GTF2A1: variants seen among roughly 807,000 people sequenced by gnomAD.
GTF2A1 encodes transcription initiation factor IIA subunit 1.
A neutral mutation model predicts 54.1 loss-of-function variants in GTF2A1; 12 were observed. The ratio of observed to expected loss-of-function variants is 0.22; its 90% confidence interval spans 0.14 to 0.36. The LOEUF is 0.36. GTF2A1 is among the 10% of genes least tolerant of loss of function. The pLI is 1.00. For synonymous variants in GTF2A1, 145 were observed against 152.0 expected (o/e 0.95, Z 0.34); for missense variants, 335 against 442.2 (o/e 0.76, Z 2.17).
chr14:81,210,876 T>C (rs1893349787), intron 2 of GTF2A1, among the ~76,000 whole-genome samples: 1 of 152,122 alleles, frequency 6.6e-6, no homozygotes, highest in Non-Finnish European at 1.5e-5. Context: ...GCCACTAACA[T>C]AGTATTGAAA....
chr14:81,197,053 T>C (rs1032067140), intron 5 of GTF2A1, among the ~76,000 whole-genome samples: 14 of 152,226 alleles, frequency 9.2e-5, no homozygotes, highest in Non-Finnish European at 1.6e-4. Flanking sequence ...TTGCTCTTAA[T>C]ATGCTCTAGG....
intron 7 of GTF2A1, among the ~76,000 whole-genome samples, chr14:81,189,144 C>T (rs1595210905): frequency 6.6e-6 from 1 of 152,180 alleles, no homozygotes; most frequent in Non-Finnish European, 1.5e-5. Flanking sequence ...GCTGGTACAG[C>T]TCTAACAGTA....
intron 1 of GTF2A1, among the ~76,000 whole-genome samples, chr14:81,219,577 T>A (rs921021146): frequency 3.9e-5 from 6 of 152,208 alleles, no homozygotes; most frequent in Admixed American, 3.9e-4. Context: ...AACGGTACGG[T>A]GTCGGGCGGC....
intron 7 of GTF2A1, among the ~76,000 whole-genome samples, chr14:81,188,733 C>T (rs751646356): frequency 2.5e-4 from 38 of 149,294 alleles, no homozygotes; most frequent in Non-Finnish European, 4.8e-4. Flanking sequence ...GCCGACATCG[C>T]GCCACTGCAC....
rs186620489 is a variant in GTF2A1 at position 81,182,973 on chromosome 14, T to C, written c.1023+2558A>G. On this transcript the variant is annotated intron_variant, in intron 8 of 8. Coordinates refer to ENST00000553612, the MANE Select transcript of GTF2A1 (RefSeq NM_015859.4). The stretch of plus-strand genomic sequence containing the variant: ...CCAAAGACCTACTATGACTATCCTA[T>C]TTAAAACTGAAACCAAACCTGTCCT... 9.8e-5 allele frequency among the ~76,000 whole-genome samples: 15 copies of C among 152,334 alleles called. No homozygotes were observed. In the East Asian group the frequency reaches 2.9e-3, roughly 29 times the overall value.
chr14:81,211,279 A>G (rs1237102784), intron 2 of GTF2A1, among the ~76,000 whole-genome samples: 1 of 152,110 alleles, frequency 6.6e-6, no homozygotes, highest in East Asian at 1.9e-4. Context: ...TACTAGTCCA[A>G]ATTCCTAGTC....
chr14:81,203,377 T>G (rs1483819748), intron 3 of GTF2A1, among the ~76,000 whole-genome samples: 2 of 152,226 alleles, frequency 1.3e-5, no homozygotes, highest in Non-Finnish European at 2.9e-5. Context: ...CCATTTAGGC[T>G]TACATAAATT....
At chr14:81,190,485 A>G (rs1395543366) in intron 7 of GTF2A1, among the ~76,000 whole-genome samples, 3 of 152,176 alleles carry the variant, frequency 2.0e-5, no homozygotes, top group Non-Finnish European at 2.9e-5. Flanking sequence ...CCAGGAGTAC[A>G]AGATTGGTTT....
chr14:81,191,161 A>T (rs992640933), intron 7 of GTF2A1, among the ~76,000 whole-genome samples: 4 of 152,200 alleles, frequency 2.6e-5, no homozygotes, highest in African/African-American at 9.6e-5. Flanking sequence ...TTTTCTACCT[A>T]CCAGACCAGC....
intron 1 of GTF2A1, among the ~76,000 whole-genome samples, chr14:81,219,807 T>C (rs1893575798): frequency 6.6e-6 from 1 of 152,238 alleles, no homozygotes; most frequent in Non-Finnish European, 1.5e-5. Flanking sequence ...CTTGGACCAC[T>C]GCAGGCTTTT....
At chr14:81,206,208 C>A (rs1212810494) in intron 2 of GTF2A1, among the ~76,000 whole-genome samples, 2 of 152,172 alleles carry the variant, frequency 1.3e-5, no homozygotes, top group African/African-American at 4.8e-5. Flanking sequence ...TGGCTAAGTA[C>A]TGGGCACCAT....
chr14:81,195,530 G>T (rs2140156525), intron 6 of GTF2A1, among the ~76,000 whole-genome samples: 1 of 151,086 alleles, frequency 6.6e-6, no homozygotes, highest in Admixed American at 6.6e-5. Flanking sequence ...TACTTGGGAG[G>T]CTGAGGCAGG....
At position 81,184,241 on chromosome 14, in the gene GTF2A1, G is replaced by A. The variant is rs138716864; in HGVS notation, c.1023+1290C>T. Among the ~76,000 whole-genome samples the A allele has an allele frequency of 2.1e-3, 314 of 152,212 alleles. 2 individuals carry two copies. Among genetic ancestry groups the A allele is most frequent in the Non-Finnish European group, 3.7e-3 (251 of 67,994 alleles). On this transcript the variant is annotated intron_variant, in intron 8 of 8. Transcript: ENST00000553612. Reference sequence around the variant, plus strand: ...CAGTCAGGCTAAAACAAAGGTCCTCGCTTGCCTGATAAATCTGACATCTCA... The same window carrying A: ...CAGTCAGGCTAAAACAAAGGTCCTCACTTGCCTGATAAATCTGACATCTCA...
intron 4 of GTF2A1, among the ~76,000 whole-genome samples, chr14:81,201,383 T>C (rs1893107476): frequency 6.6e-6 from 1 of 152,216 alleles, no homozygotes; most frequent in Non-Finnish European, 1.5e-5. Flanking sequence ...CACCATTCTT[T>C]TGGTATTCTT....
chr14:81,180,403 A>ATACACACACACACG lies in GTF2A1; in HGVS notation c.1024-87_1024-74dup, dbSNP rs1379567007. On this transcript the variant is annotated intron_variant, in intron 8 of 8. Coordinates refer to ENST00000553612, the MANE Select transcript of GTF2A1 (RefSeq NM_015859.4). ...AGAGAAAACAAGTAACAAAAAACCC[A>ATACACACACACACG]TACACACACACACGTACACACACAC... is the stretch of plus-strand genomic sequence containing the variant. 2.3e-5 allele frequency: 17 copies of ATACACACACACACG among 740,210 alleles called. 2 individuals are homozygous for ATACACACACACACG. In the South Asian group the frequency reaches 2.5e-4, roughly 11 times the overall value. 45.9% of individuals were successfully genotyped at this position (740,210 alleles called of 1,614,324 possible).
chr14:81,180,927 A>G (rs1323169755), intron 8 of GTF2A1, among the ~76,000 whole-genome samples: 1 of 152,206 alleles, frequency 6.6e-6, no homozygotes, highest in Non-Finnish European at 1.5e-5. Flanking sequence ...TTCTTACATT[A>G]TTTGTAAGTA....
chr14:81,218,264 G>A (rs1337735617), intron 1 of GTF2A1, among the ~76,000 whole-genome samples: 2 of 152,148 alleles, frequency 1.3e-5, no homozygotes, highest in Non-Finnish European at 2.9e-5. Context: ...TGGAGATCCA[G>A]ACATGTGTAG....
At chr14:81,204,329 CT>C (rs543048166) in intron 2 of GTF2A1, 146 of 669,218 alleles carry the variant, frequency 2.2e-4, no homozygotes, top group Middle Eastern at 9.8e-4. Context: ...GATTTTGTTT[CT>C]TTTTTTTATC....
chr14:81,194,398 A>G lies in GTF2A1; in HGVS notation c.613-1559T>C, dbSNP rs1000116247. Among the ~76,000 whole-genome samples the G allele has an allele frequency of 2.6e-5, 4 of 152,180 alleles. No individual in the cohort carries two copies. In the East Asian group the frequency reaches 7.7e-4, roughly 29 times the overall value. On this transcript the variant is annotated intron_variant, in intron 6 of 8. Transcript: ENST00000553612. ...TTAAGGAGATTAGCCAGGTTTTTCT[A>G]TTTGTTTGGGGGAAGTGCAGGGAGT...
Sources: gnomAD v4.1 joint callset for allele counts (sites outside exome capture counted in the v4.1 genomes callset) on GRCh38, gnomAD v4.1.1 for gene constraint, MANE v1.5 for transcripts, NCBI Gene and HGNC (gene_info 2026-07-23, HGNC 2026-07-21) for gene names.